Variants in SLC27A4 observed in about 807,000 individuals in gnomAD.
The protein encoded by SLC27A4 is long-chain fatty acid transport protein 4.
SLC27A4 carries 33 observed loss-of-function variants against 64.4 expected under a neutral mutation model. That is an observed-to-expected ratio of 0.51 (90% CI 0.39 to 0.68). SLC27A4 has a LOEUF of 0.68. Among genes scored for constraint, SLC27A4 ranks in the 30% least tolerant of loss-of-function variants. The probability of loss-of-function intolerance (pLI) is 0.00; values close to 1 mark genes in which losing one functional copy is unlikely to be tolerated. For synonymous variants in SLC27A4, 377 were observed against 370.0 expected (o/e 1.02, Z -0.22); for missense variants, 824 against 883.5 (o/e 0.93, Z 0.85).
intron 1 of SLC27A4, among the ~76,000 whole-genome samples, chr9:128,341,468 G>A (rs982362898): frequency 6.6e-6 from 1 of 152,186 alleles, no homozygotes; most frequent in African/African-American, 2.4e-5. Context: ...CATCCGAGTG[G>A]CTGTGTGTGT....
chr9:128,346,986 CAGAG>C (rs752266497), intron 3 of SLC27A4, among the ~76,000 whole-genome samples: 1 of 151,978 alleles, frequency 6.6e-6, no homozygotes, highest in Non-Finnish European at 1.5e-5. Flanking sequence ...GCCTGGATGA[CAGAG>C]AGAGGTTACG....
chr9:128,357,976 T>C (rs570198147), intron 12 of SLC27A4, among the ~76,000 whole-genome samples: 3 of 152,250 alleles, frequency 2.0e-5, no homozygotes, highest in Non-Finnish European at 4.4e-5. Context: ...TTCCGGAGGA[T>C]TGAGCAGCAC....
chr9:128,360,293 G>C, intron 12 of SLC27A4, 41 bp from the exon 13 acceptor site: 1 of 1,612,700 alleles, frequency 6.2e-7, no homozygotes, highest in South Asian at 1.1e-5. Flanking sequence ...TGGGAGCTCG[G>C]GCCCCTGCCC....
rs1032434793 is a variant in SLC27A4 at position 128,352,901 on chromosome 9, AC to A, written c.988-121del. 24 of 1,087,314 alleles carry A rather than the reference AC, an allele frequency of 2.2e-5. No individual in the cohort carries two copies. The Admixed American group carries it at 4.0e-4, about 18-fold the overall frequency. The allele number at this position is 1,087,314 out of a possible 1,614,324, so 67.4% of individuals were successfully genotyped here. A position where few individuals can be genotyped will look rare whatever the true frequency, so the allele number is the denominator to read the frequency against. ...CCATTGTTCAGATGGGAAGGCTGAG[AC>A]CCGGAGAGGGAAAGGATGGCATGGC... On this transcript the variant is annotated intron_variant, in intron 7 of 12. Coordinates refer to ENST00000300456, the MANE Select transcript of SLC27A4 (RefSeq NM_005094.4).
rs200595810 is a variant in SLC27A4 at position 128,355,515 on chromosome 9, G to A, written c.1580G>A (p.Arg527His). The change falls in exon 11 of 13, where the codon CGC (arginine) becomes CAC (histidine). Residue 527 changes from arginine to histidine, a missense_variant. Transcript: ENST00000300456. Reference sequence around the variant, plus strand: ...ACCGAGGTGGAAGGCACACTCAGCCGCCTGCTGGACATGGCTGACGTGGCC... The same window carrying A: ...ACCGAGGTGGAAGGCACACTCAGCCACCTGCTGGACATGGCTGACGTGGCC... ...STTEVEGTLSRLLDMADVAVY... is the reference protein window; with the variant it reads ...STTEVEGTLSHLLDMADVAVY... The A allele has an allele frequency of 1.9e-5, 30 of 1,613,082 alleles. No homozygotes were observed. The East Asian group carries it at 3.8e-4, about 20-fold the overall frequency.
intron 12 of SLC27A4, among the ~76,000 whole-genome samples, chr9:128,357,615 C>T (rs1253661304): frequency 6.6e-6 from 1 of 152,182 alleles, no homozygotes; most frequent in Non-Finnish European, 1.5e-5. Context: ...CGCAGTCGCC[C>T]ACAAGGCAGC....
intron 1 of SLC27A4, among the ~76,000 whole-genome samples, chr9:128,341,430 T>G (rs1175465508): frequency 1.3e-5 from 2 of 152,206 alleles, no homozygotes; most frequent in Non-Finnish European, 2.9e-5. Flanking sequence ...GTCATTCGCC[T>G]TCCCCTAAGC....
Position 128,345,308 on chromosome 9 carries a change from C to A in SLC27A4, c.315C>A (p.Arg105=), listed in dbSNP as rs756803261. 3.1e-6 allele frequency: 5 copies of A among 1,613,924 alleles called. No individual in the cohort carries two copies. The highest frequency in any genetic ancestry group is 4.2e-6 in the Non-Finnish European group (5 of 1,180,014). The change falls in exon 3 of 13, where the codon CGC becomes CGA. Residue 105 remains arginine (R), a synonymous_variant. Coordinates refer to ENST00000300456, the MANE Select transcript of SLC27A4 (RefSeq NM_005094.4). This position sits in a 1 kb window ranked among gnomAD's most constrained non-coding sequence, Gnocchi z 4.1. ...GCACAGATACCCACTGGACCTTCCG[C>A]CAGCTGGATGAGTACTCAAGCAGTG... is the stretch of plus-strand genomic sequence containing the variant. ...FEGTDTHWTF[R]QLDEYSSSVA...
At chr9:128,351,408 C>T (rs992251766) in intron 6 of SLC27A4, among the ~76,000 whole-genome samples, 1 of 151,980 alleles carries the variant, frequency 6.6e-6, no homozygotes, top group Non-Finnish European at 1.5e-5. Flanking sequence ...GCCTGGGCAA[C>T]AGAGCGAGAC....
chr9:128,355,646 C>G lies in SLC27A4; in HGVS notation c.1628-4C>G. 6.2e-7 allele frequency: 1 copy of G among 1,609,844 alleles called. No homozygotes were observed. Among genetic ancestry groups the G allele is most frequent in the South Asian group, 1.1e-5 (1 of 91,084 alleles). On this transcript the variant is annotated splice_region_variant and splice_polypyrimidine_tract_variant and intron_variant, in intron 11 of 12. Coordinates refer to ENST00000300456, the MANE Select transcript of SLC27A4 (RefSeq NM_005094.4). ...CTACTCAGTGTCTACCCTGCCACCC[C>G]CAGGAACCGAGGGCCGGGCCGGAAT...
rs1316974602 is a variant in SLC27A4 at position 128,355,188 on chromosome 9, C to G, written c.1460C>G (p.Thr487Ser). The change falls in exon 10 of 13, where the codon ACT (threonine) becomes AGT (serine). Residue 487 changes from threonine (T) to serine (S), a missense_variant and splice_region_variant. Coordinates refer to ENST00000300456, the MANE Select transcript of SLC27A4 (RefSeq NM_005094.4). ...AAGAAGGGGGACCAGGCCTACCTTA[C>G]TGGTGGGTCCCCAGCCCTTCACAGC... is the stretch of plus-strand genomic sequence containing the variant. ...VFKKGDQAYL[T>S]GDVLVMDELG... 2.7e-5 allele frequency: 44 copies of G among 1,613,440 alleles called. No individual in the cohort carries two copies. Among genetic ancestry groups the G allele is most frequent in the Non-Finnish European group, 3.4e-5 (40 of 1,179,824 alleles).
Position 128,350,373 on chromosome 9 carries a change from G to A in SLC27A4, c.777G>A (p.Val259=). The A allele has an allele frequency of 6.2e-7, 1 of 1,613,516 alleles. No homozygotes were observed. Among genetic ancestry groups the A allele is most frequent in the Non-Finnish European group, 8.5e-7 (1 of 1,179,962 alleles). The change falls in exon 5 of 13, where the codon GTG becomes GTA. Residue 259 remains valine, a synonymous_variant. Transcript: ENST00000300456. ...GGCTGCCCAAGGCCGCCATCGTGGTGCACAGCAGGTAAGGGGCAGGTGCCC... is the reference window on the plus strand; with the variant it reads ...GGCTGCCCAAGGCCGCCATCGTGGTACACAGCAGGTAAGGGGCAGGTGCCC... ...TTGLPKAAIV[V]HSRYYRMAAL... is the part of the protein sequence containing the mutation.
At position 128,343,185 on chromosome 9, in the gene SLC27A4, T is replaced by C; in HGVS notation, c.53T>C (p.Leu18Pro). ...VGVLLFSKLV[L>P]KLPWTQVGFS... The stretch of plus-strand genomic sequence containing the variant: ...GTGCTGCTGTTCTCCAAGCTGGTGC[T>C]GAAACTGCCCTGGACCCAGGTGGGA... Residue 18 changes from leucine to proline, a missense_variant, in exon 2 of 13, where the codon CTG (leucine) becomes CCG (proline). Leu to Pro is a moderately conservative substitution (Grantham distance 98). Coordinates refer to ENST00000300456, the MANE Select transcript of SLC27A4 (RefSeq NM_005094.4). 1 of 1,614,162 alleles carries C rather than the reference T, an allele frequency of 6.2e-7. No homozygotes were observed. The highest frequency in any genetic ancestry group is 1.1e-5 in the South Asian group (1 of 91,078).
chr9:128,342,191 G>A (rs749942671), intron 1 of SLC27A4: 9 of 1,536,998 alleles, frequency 5.9e-6, no homozygotes, highest in South Asian at 4.5e-5. Flanking sequence ...ACCAGACTTC[G>A]CTCGTTCTCG....
At position 128,352,695 on chromosome 9, in the gene SLC27A4, A is replaced by G. The variant is rs1304113474; in HGVS notation, c.935A>G (p.Lys312Arg). The change falls in exon 7 of 13, where the codon AAG becomes AGG. Residue 312 changes from lysine to arginine, a missense_variant. Lys to Arg is a conservative substitution (Grantham distance 26). Transcript: ENST00000300456. ...CATGGCATGACGGTGGTGATTCGGAAGAAGTTCTCAGCCTCCCGGTTCTGG... is the reference window on the plus strand; with the variant it reads ...CATGGCATGACGGTGGTGATTCGGAGGAAGTTCTCAGCCTCCCGGTTCTGG... ...LLHGMTVVIR[K>R]KFSASRFWDD... 4 of 1,614,076 alleles carry G rather than the reference A, an allele frequency of 2.5e-6. No homozygotes were observed. The highest frequency in any genetic ancestry group is 2.7e-5 in the African/African-American group (2 of 74,928).
rs779984745 is a variant in SLC27A4, at chr9:128,343,123, G to A, written c.-6-4G>A. 7.4e-6 allele frequency: 12 copies of A among 1,612,866 alleles called. No homozygotes were observed. The highest frequency in any genetic ancestry group is 2.2e-5 in the East Asian group (1 of 44,894). On this transcript the variant is annotated splice_polypyrimidine_tract_variant and splice_region_variant and intron_variant, in intron 1 of 12. Coordinates refer to ENST00000300456, the MANE Select transcript of SLC27A4 (RefSeq NM_005094.4). Reference sequence around the variant, plus strand: ...TGGGTCCACTAACTGCCCTGTGTCCGCAGGCCACAATGCTGCTTGGAGCCT... The same window carrying A: ...TGGGTCCACTAACTGCCCTGTGTCCACAGGCCACAATGCTGCTTGGAGCCT...
At chr9:128,343,432 T>C in intron 2 of SLC27A4, 139 bp downstream of exon 2, 2 of 940,686 alleles carry the variant, frequency 2.1e-6, no homozygotes, top group Admixed American at 2.0e-5. Context: ...CAGCCTCTGC[T>C]CCACACCCGT....
rs1233278176 is a variant in SLC27A4, at chr9:128,350,511, C to T, written c.813C>T (p.Tyr271=). ...ATTACCGCATGGCTGCCCTGGTGTACTATGGATTCCGCATGCGGCCCAACG... is the reference window on the plus strand; with the variant it reads ...ATTACCGCATGGCTGCCCTGGTGTATTATGGATTCCGCATGCGGCCCAACG... ...SRYYRMAALV[Y]YGFRMRPNDI... Residue 271 remains tyrosine, a synonymous_variant, in exon 6 of 13, where the codon TAC becomes TAT. Coordinates refer to ENST00000300456, the MANE Select transcript of SLC27A4 (RefSeq NM_005094.4). 2.5e-6 allele frequency: 4 copies of T among 1,614,092 alleles called. No homozygotes were observed. The highest frequency in any genetic ancestry group is 3.4e-6 in the Non-Finnish European group (4 of 1,179,998).
chr9:128,354,018 C>T (rs901675668), intron 9 of SLC27A4, among the ~76,000 whole-genome samples: 2 of 151,994 alleles, frequency 1.3e-5, no homozygotes, highest in African/African-American at 4.8e-5. Context: ...GCTGGGATTA[C>T]AGGCGTGAGC....
Sources: gnomAD v4.1 joint callset for allele counts (sites outside exome capture counted in the v4.1 genomes callset) on GRCh38, gnomAD v4.1.1 for gene constraint, Gnocchi (gnomAD v3.1) non-coding constraint, MANE v1.5 for transcripts, NCBI Gene and HGNC (gene_info 2026-07-23, HGNC 2026-07-21) for gene names.